ZNF347: variants seen among roughly 807,000 people sequenced by gnomAD.
ZNF347 encodes CTD-2620I22.7.
ZNF347 carries 19 observed loss-of-function variants against 12.9 expected under a neutral mutation model. That is an observed-to-expected ratio of 1.47 (90% CI 1.03 to 2.16). ZNF347 has a LOEUF of 2.16. ZNF347 is among the 30% of genes most tolerant of loss of function. ZNF347 has a pLI of 0.00. For synonymous variants in ZNF347, 328 were observed against 340.6 expected, an observed-to-expected ratio of 0.96 and a Z score of 0.41; for missense variants, 1,005 against 990.6, an observed-to-expected ratio of 1.01 and a Z score of -0.19.
chr19:53,158,526 C>A (rs555697341), intron 1 of ZNF347, among the ~76,000 whole-genome samples: 2 of 152,216 alleles, frequency 1.3e-5, no homozygotes, highest in East Asian at 1.9e-4. Context: ...AGCCTCAGAG[C>A]TACTTCAACC....
At position 53,153,811 on chromosome 19, in the gene ZNF347, T is replaced by C; in HGVS notation, c.-46-18A>G. On this transcript the variant is annotated intron_variant, in intron 1 of 4. Coordinates refer to ENST00000334197, the MANE Select transcript of ZNF347 (RefSeq NM_032584.3). ...GGTTCTTCCTTAGGTAACAGGAAAG[T>C]GCCTTTAGAAGTCAATATTGAATAT... The C allele has an allele frequency of 6.2e-7, 1 of 1,607,782 alleles. No individual in the cohort carries two copies.
At chr19:53,153,900 C>A (rs2090514992) in intron 1 of ZNF347, 107 bp from the exon 2 acceptor site, 3 of 790,240 alleles carry the variant, frequency 3.8e-6, no homozygotes, top group African/African-American at 1.7e-5. Flanking sequence ...ATCACACACA[C>A]ACACAGGGAA....
Position 53,140,367 on chromosome 19 carries a change from T to C in ZNF347, c.2461A>G (p.Asn821Asp). 6.3e-7 allele frequency: 1 copy of C among 1,599,638 alleles called. No homozygotes were observed. The highest frequency in any genetic ancestry group is 8.5e-7 in the Non-Finnish European group (1 of 1,174,278). Residue 821 changes from asparagine to aspartate, a missense_variant, in exon 5 of 5, where the codon AAC becomes GAC. Physicochemically the swap from Asn to Asp is conservative, Grantham distance 23 (BLOSUM62 1). Coordinates refer to ENST00000334197, the MANE Select transcript of ZNF347 (RefSeq NM_032584.3). ...TCTGACTTTAGAACTTTCCACACGT[T>C]ACATTTGTAAGGTTTCCCACCAGTA... The part of the protein sequence containing the change: ...IHTGGKPYKC[N>D]VWKVLKSEFK...
rs2090391758 is a variant in ZNF347, at chr19:53,137,078, GT to G, written c.*3229del. On this transcript the variant is annotated 3_prime_UTR_variant, in exon 5 of 5. Coordinates refer to ENST00000334197, the MANE Select transcript of ZNF347 (RefSeq NM_032584.3). ...TTTTTGTATTTTTAGTAGAGATGGG[GT>G]TTCACCATGTTGGCCAGGCTCGTCT... 6.6e-6 allele frequency: 1 copy of G among 152,194 alleles called. No homozygotes were observed. The highest frequency in any genetic ancestry group is 6.6e-5 in the Admixed American group (1 of 15,262). The allele number at this position is 152,194 out of a possible 1,614,324, so 9.4% of individuals were successfully genotyped here.
chr19:53,155,783 C>T (rs909484495), intron 1 of ZNF347, among the ~76,000 whole-genome samples: 3 of 152,130 alleles, frequency 2.0e-5, no homozygotes, highest in Non-Finnish European at 4.4e-5. Flanking sequence ...GTGAGTGAGG[C>T]TGGTACATGG....
intron 4 of ZNF347, among the ~76,000 whole-genome samples, chr19:53,148,470 G>C (rs1237015162): frequency 6.6e-6 from 1 of 152,146 alleles, no homozygotes; most frequent in African/African-American, 2.4e-5. Context: ...TCATGATAAA[G>C]ACTTTGCCTT....
Position 53,136,732 on chromosome 19 carries a change from T to C in ZNF347, c.*3576A>G, listed in dbSNP as rs1268147458. 2.6e-5 allele frequency: 4 copies of C among 152,244 alleles called. No individual in the cohort carries two copies. Among genetic ancestry groups the C allele is most frequent in the African/African-American group, 9.6e-5 (4 of 41,458 alleles). The allele number at this position is 152,244 out of a possible 1,614,324, so 9.4% of individuals were successfully genotyped here. A position where few individuals can be genotyped will look rare whatever the true frequency, so the allele number is the denominator to read the frequency against. On this transcript the variant is annotated 3_prime_UTR_variant, in exon 5 of 5. Coordinates refer to ENST00000334197, the MANE Select transcript of ZNF347 (RefSeq NM_032584.3). ...AAACTTTTCCACAAATTCATTTGCA[T>C]TGAACTACTGTAAAAATATTTTAGG...
chr19:53,144,340 T>A (rs1003527251), intron 4 of ZNF347, among the ~76,000 whole-genome samples: 10 of 152,116 alleles, frequency 6.6e-5, no homozygotes, highest in Non-Finnish European at 1.2e-4. Flanking sequence ...TATACTTAGA[T>A]AAAATAGACT....
In ZNF347 at chr19:53,149,320, C is replaced by G. The variant is rs745475779; in HGVS notation, c.63G>C (p.Glu21Asp). The change falls in exon 3 of 5, where the codon GAG becomes GAC. Residue 21 changes from glutamate (E) to aspartate (D), a missense_variant. Coordinates refer to ENST00000334197, the MANE Select transcript of ZNF347 (RefSeq NM_032584.3). Reference protein sequence around the residue: ...RDVAIEFSQEEWTCLDPAQRT... With the variant: ...RDVAIEFSQEDWTCLDPAQRT... ...TCTGAGCGGGGTCCAGGCATGTCCA[C>G]TCCTCCTGAGAGAATTCTATAGCCA... 6.2e-7 allele frequency: 1 copy of G among 1,614,028 alleles called. No individual in the cohort carries two copies. Among genetic ancestry groups the G allele is most frequent in the South Asian group, 1.1e-5 (1 of 91,074 alleles).
At chr19:53,142,909 ATGATAAAGGGAGT>A (rs2146801407) in intron 4 of ZNF347, among the ~76,000 whole-genome samples, 1 of 152,352 alleles carries the variant, frequency 6.6e-6, no homozygotes, top group Non-Finnish European at 1.5e-5. Flanking sequence ...TTTACAAGAA[ATGATAAAGGGAGT>A]TCTTCAAATC....
chr19:53,147,229 G>A (rs1024379877), intron 4 of ZNF347, among the ~76,000 whole-genome samples: 1 of 152,192 alleles, frequency 6.6e-6, no homozygotes, highest in East Asian at 1.9e-4. Context: ...ACAAAAATCA[G>A]CCAAGTGTGG....
rs1488392627 is a variant in ZNF347 at position 53,141,071 on chromosome 19, C to G, written c.1757G>C (p.Arg586Thr). 1 of 1,613,256 alleles carries G rather than the reference C, an allele frequency of 6.2e-7. No individual in the cohort carries two copies. The highest frequency in any genetic ancestry group is 8.5e-7 in the Non-Finnish European group (1 of 1,179,864). Residue 586 changes from arginine to threonine, a missense_variant, in exon 5 of 5, where the codon AGA (arginine) becomes ACA (threonine). Physicochemically the swap from Arg to Thr is moderately conservative, Grantham distance 71 (BLOSUM62 -1). Coordinates refer to ENST00000334197, the MANE Select transcript of ZNF347 (RefSeq NM_032584.3). ...KVFTQNSHLARHRGIHTGEKP... is the reference protein window; with the variant it reads ...KVFTQNSHLATHRGIHTGEKP... ...CTCTCCAGTATGAATTCCCCGATGTCTTGCAAGGTGTGAATTCTGAGTGAA... is the reference window on the plus strand; with the variant it reads ...CTCTCCAGTATGAATTCCCCGATGTGTTGCAAGGTGTGAATTCTGAGTGAA...
In ZNF347 at chr19:53,141,405, G is replaced by T; in HGVS notation, c.1423C>A (p.His475Asn). ...VFRRNSHLAR[H>N]QLIHTGEKPY... The stretch of plus-strand genomic sequence containing the variant: ...TTCTCTCCAGTATGAATTAGCTGAT[G>T]CCTTGCAAGGTGTGAATTACGCCTA... The change falls in exon 5 of 5, where the codon CAT becomes AAT. Residue 475 changes from histidine to asparagine, a missense_variant. Coordinates refer to ENST00000334197, the MANE Select transcript of ZNF347 (RefSeq NM_032584.3). 6.2e-7 allele frequency: 1 copy of T among 1,613,950 alleles called. No homozygotes were observed. Among genetic ancestry groups the T allele is most frequent in the Non-Finnish European group, 8.5e-7 (1 of 1,179,904 alleles).
chr19:53,141,954 A>G lies in ZNF347; in HGVS notation c.874T>C (p.Tyr292His). ...SHTKEKPYKC[Y>H]ECGKAFRTRS... ...GTTCTAAAGGCTTTGCCACACTCATAACATTTGTAAGGTTTCTCTTTAGTA... is the reference window on the plus strand; with the variant it reads ...GTTCTAAAGGCTTTGCCACACTCATGACATTTGTAAGGTTTCTCTTTAGTA... The change falls in exon 5 of 5, where the codon TAT (tyrosine) becomes CAT (histidine). Residue 292 changes from tyrosine (Y) to histidine (H), a missense_variant. By Grantham distance (83) the Tyr-to-His change is moderately conservative (BLOSUM62 2). Coordinates refer to ENST00000334197, the MANE Select transcript of ZNF347 (RefSeq NM_032584.3). 6.2e-7 allele frequency: 1 copy of G among 1,613,786 alleles called. No individual in the cohort carries two copies. The highest frequency in any genetic ancestry group is 8.5e-7 in the Non-Finnish European group (1 of 1,179,926).
intron 4 of ZNF347, among the ~76,000 whole-genome samples, chr19:53,147,396 C>T: frequency 6.6e-6 from 1 of 151,268 alleles, no homozygotes; most frequent in East Asian, 1.9e-4. Context: ...AACAAACAAA[C>T]AAAAAAACAC....
In ZNF347 at chr19:53,135,329, T is replaced by TAGAGAGAGAGAGAG. The variant is rs2090380798; in HGVS notation, c.*4978_*4979insCTCTCTCTCTCTCT. 1 of 47,560 alleles carries TAGAGAGAGAGAGAG rather than the reference T, an allele frequency of 2.1e-5. No homozygotes were observed. The highest frequency in any genetic ancestry group is 4.3e-5 in the Non-Finnish European group (1 of 23,488). The allele number at this position is 47,560 out of a possible 1,614,324, so 2.9% of individuals were successfully genotyped here. A position where few individuals can be genotyped will look rare whatever the true frequency, so the allele number is the denominator to read the frequency against. ...ATATATATATATATATATATATATA[T>TAGAGAGAGAGAGAG]ATATATATATAGAGAGAGAGAGAGA... is the stretch of plus-strand genomic sequence containing the variant. On this transcript the variant is annotated 3_prime_UTR_variant, in exon 5 of 5. Transcript: ENST00000334197.
chr19:53,151,519 C>CA (rs1467483414), intron 2 of ZNF347, among the ~76,000 whole-genome samples: 4 of 107,330 alleles, frequency 3.7e-5, no homozygotes, highest in African/African-American at 1.5e-4. Flanking sequence ...GCCTGGATGA[C>CA]AGAGCAAGAC....
rs551138885 is a variant in ZNF347, at chr19:53,154,385, G to A, written c.-46-592C>T. 1.2e-4 allele frequency among the ~76,000 whole-genome samples: 18 copies of A among 152,216 alleles called. No individual in the cohort carries two copies. In the East Asian group the frequency reaches 2.5e-3, roughly 21 times the overall value. On this transcript the variant is annotated intron_variant, in intron 1 of 4. Transcript: ENST00000334197. ...ACGTCTTGTAACCTCAGCACTTTGG[G>A]AGGCCTAGATGCTGGATCTAGAGTT...
chr19:53,158,888 T>C (rs1341599592), intron 1 of ZNF347, 121 bp downstream of exon 1: 1 of 112,396 alleles, frequency 8.9e-6, no homozygotes, highest in African/African-American at 3.3e-5. Flanking sequence ...CAAGAGTAAA[T>C]CTCCGTCTCA....
Sources: allele counts gnomAD v4.1 joint callset (sites outside exome capture counted in the v4.1 genomes callset), GRCh38; gene constraint gnomAD v4.1.1; transcripts MANE v1.5; gene names NCBI Gene and HGNC (gene_info 2026-07-23, HGNC 2026-07-21).